FAT1: variants seen among roughly 807,000 people sequenced by gnomAD.
FAT1 encodes the protein FAT atypical cadherin 1.
FAT1 carries 171 observed loss-of-function variants against 329.8 expected under a neutral mutation model. The observed-to-expected ratio is 0.52, with a 90% CI of 0.46 to 0.59. FAT1 has a LOEUF of 0.59. Ranked by LOEUF, FAT1 falls within the 20% of genes least tolerant of loss-of-function variation. FAT1 has a pLI of 0.00. For missense variants in FAT1, 5,672 were observed against 5,774.4 expected (o/e 0.98, Z 0.57); for synonymous variants, 2,233 against 2,228.6 (o/e 1.00, Z -0.06).
intron 1 of FAT1, among the ~76,000 whole-genome samples, chr4:186,710,783 C>T (rs1029172393): frequency 6.6e-6 from 1 of 152,178 alleles, no homozygotes; most frequent in African/African-American, 2.4e-5. Context: ...TAAGCTAACA[C>T]ACGTCAAGGG....
chr4:186,684,007 C>T (rs1409910126), intron 2 of FAT1, among the ~76,000 whole-genome samples: 5 of 116,970 alleles, frequency 4.3e-5, no homozygotes, highest in African/African-American at 1.6e-4. Flanking sequence ...ATCCACCGAG[C>T]CAACACACAG....
Position 186,639,707 on chromosome 4 carries a change from A to T in FAT1, c.3642+15T>A. ...CTACGAATCTTTAAGTATTAAAGAT[A>T]AAAAAAAAACTTACCTCTAATATGT... On this transcript the variant is annotated intron_variant, in intron 4 of 26. Coordinates refer to ENST00000441802, the MANE Select transcript of FAT1 (RefSeq NM_005245.4). 1.4e-6 allele frequency: 2 copies of T among 1,455,768 alleles called. No homozygotes were observed. Among genetic ancestry groups the T allele is most frequent in the Non-Finnish European group, 1.9e-6 (2 of 1,063,742 alleles). The allele number at this position is 1,455,768 out of a possible 1,614,324, so 90.2% of individuals were successfully genotyped here.
At chr4:186,718,878 G>C (rs191356540) in intron 1 of FAT1, among the ~76,000 whole-genome samples, 1 of 151,704 alleles carries the variant, frequency 6.6e-6, no homozygotes, top group South Asian at 2.1e-4. Context: ...AGCCGTTCCC[G>C]CATCACAAGC....
intron 2 of FAT1, among the ~76,000 whole-genome samples, chr4:186,687,729 C>T (rs1366116536): frequency 6.6e-6 from 1 of 152,154 alleles, no homozygotes; most frequent in Non-Finnish European, 1.5e-5. Flanking sequence ...AGATGCTCAA[C>T]TTCTATTAGT....
At chr4:186,643,844 C>CAACTGCTCCATA (rs1741225404) in intron 3 of FAT1, among the ~76,000 whole-genome samples, 1 of 125,886 alleles carries the variant, frequency 7.9e-6, no homozygotes, top group Non-Finnish European at 1.6e-5. Context: ...TTCTAAAGTA[C>CAACTGCTCCATA]AACTGCTCCA....
chr4:186,650,675 ACAG>A (rs1741596217), intron 3 of FAT1, among the ~76,000 whole-genome samples: 1 of 152,206 alleles, frequency 6.6e-6, no homozygotes, highest in Admixed American at 6.5e-5. Context: ...CTTCTCTTAT[ACAG>A]CAGCTAAGAA....
At chr4:186,724,663 C>T (rs1382274829), upstream of FAT1, among the ~76,000 whole-genome samples, 1 of 152,220 alleles carries the variant, frequency 6.6e-6, no homozygotes, top group Non-Finnish European at 1.5e-5. This position sits in a 1 kb window ranked among gnomAD's most constrained non-coding sequence, Gnocchi z 5.3. Flanking sequence ...CGCCGGGCGC[C>T]CAGCCTGAGC....
At chr4:186,590,421 GA>G in intron 26 of FAT1, 4 of 1,285,798 alleles carry the variant, frequency 3.1e-6, no homozygotes, top group African/African-American at 1.5e-5. Context: ...TGGCAGAGTA[GA>G]AAAAAAAGAA....
intron 2 of FAT1, among the ~76,000 whole-genome samples, chr4:186,670,574 CCTG>C (rs1168264613): frequency 1.3e-5 from 2 of 152,162 alleles, no homozygotes; most frequent in Non-Finnish European, 2.9e-5. Context: ...TTCAATTTTT[CCTG>C]CTAATTATGC....
intron 9 of FAT1, among the ~76,000 whole-genome samples, chr4:186,624,490 G>A (rs1208225476): frequency 1.3e-5 from 2 of 152,048 alleles, no homozygotes; most frequent in Admixed American, 6.6e-5. Flanking sequence ...CTATTTCCAG[G>A]TATTAAAATG....
rs2126685774 is a variant in FAT1 at position 186,707,121 on chromosome 4, C to T, written c.2707G>A (p.Glu903Lys). Residue 903 changes from glutamate (E) to lysine (K), a missense_variant, in exon 2 of 27, where the codon GAA becomes AAA. Transcript: ENST00000441802. The stretch of plus-strand genomic sequence containing the variant: ...ACAGTGGAGAACAGCTGAGGCTCTT[C>T]TCTGGCTTGGTCCCTGGCCTCAATC... Reference protein sequence around the residue: ...LKIEARDQAREEPQLFSTVVV... With the variant: ...LKIEARDQARKEPQLFSTVVV... The T allele has an allele frequency of 1.9e-6, 3 of 1,613,992 alleles. No homozygotes were observed. Among genetic ancestry groups the T allele is most frequent in the Non-Finnish European group, 2.5e-6 (3 of 1,179,894 alleles).
Position 186,706,701 on chromosome 4 carries a change from C to CTG in FAT1, c.3125_3126dup (p.Val1043GlnfsTer2). 1 of 1,614,004 alleles carries CTG rather than the reference C, an allele frequency of 6.2e-7. No individual in the cohort carries two copies. Among genetic ancestry groups the CTG allele is most frequent in the Non-Finnish European group, 8.5e-7 (1 of 1,179,888 alleles). ...GAACCAACAGGTGCATCTTCTTTCA[C>CTG]TGTCCCCTTTTCCACAAAGCTGGAA... On this transcript the variant is annotated frameshift_variant, in exon 2 of 27. Transcript: ENST00000441802. LOFTEE classifies it high-confidence loss of function.
At position 186,613,323 on chromosome 4, in the gene FAT1, G is replaced by A. The variant is rs369364247; in HGVS notation, c.9249C>T (p.Thr3083=). 68 of 1,613,912 alleles carry A rather than the reference G, an allele frequency of 4.2e-5. 1 individual carries two copies. The African/African-American group carries it at 8.7e-4, about 21-fold the overall frequency. ...NPDTGELKTS[T]PLDREEQAVY... is the part of the protein sequence containing the mutation. ...CAGCTTGCTCCTCACGATCAAGGGG[G>A]GTTGACGTTTTCAGTTCACCTACAA... The change falls in exon 13 of 27, where the codon ACC becomes ACT. Residue 3083 remains threonine, a synonymous_variant. Coordinates refer to ENST00000441802, the MANE Select transcript of FAT1 (RefSeq NM_005245.4).
chr4:186,630,942 GC>G (rs1280173438), intron 7 of FAT1, among the ~76,000 whole-genome samples: 1 of 152,154 alleles, frequency 6.6e-6, no homozygotes, highest in Non-Finnish European at 1.5e-5. Flanking sequence ...ACAAGATAAA[GC>G]CAAGTGACTG....
chr4:186,595,984 G>A (rs574057041), intron 25 of FAT1, among the ~76,000 whole-genome samples, 158 bp from the exon 26 acceptor site: 11 of 152,138 alleles, frequency 7.2e-5, no homozygotes, highest in South Asian at 6.2e-4. Context: ...AAACTCAAAC[G>A]AAGAAATAAA....
At chr4:186,720,772 T>C (rs1745439357) in intron 1 of FAT1, among the ~76,000 whole-genome samples, 1 of 152,228 alleles carries the variant, frequency 6.6e-6, no homozygotes, top group Non-Finnish European at 1.5e-5. Context: ...GGAGGTCCAC[T>C]ATTGTTGGAT....
intron 2 of FAT1, among the ~76,000 whole-genome samples, chr4:186,688,171 T>C (rs1198022114): frequency 2.0e-5 from 3 of 147,000 alleles, no homozygotes; most frequent in Admixed American, 6.8e-5. Context: ...TCCCTTTTCA[T>C]GACCTTAAAT....
At chr4:186,720,266 C>T (rs957650355) in intron 1 of FAT1, among the ~76,000 whole-genome samples, 8 of 152,116 alleles carry the variant, frequency 5.3e-5, no homozygotes, top group Non-Finnish European at 1.2e-4. Flanking sequence ...TTTCACCTTT[C>T]TCTTCAACGT....
intron 9 of FAT1, among the ~76,000 whole-genome samples, chr4:186,625,986 C>A (rs1159714782): frequency 3.3e-5 from 5 of 150,828 alleles, no homozygotes; most frequent in Admixed American, 2.6e-4. Flanking sequence ...TGGCACCTGG[C>A]ACATAAAGTG....
Sources: gnomAD v4.1 joint callset for allele counts (sites outside exome capture counted in the v4.1 genomes callset) on GRCh38, gnomAD v4.1.1 for gene constraint, Gnocchi (gnomAD v3.1) non-coding constraint, MANE v1.5 for transcripts, NCBI Gene and HGNC (gene_info 2026-07-23, HGNC 2026-07-21) for gene names.